ARHGEF3: variants seen among roughly 807,000 people sequenced by gnomAD.
ARHGEF3 encodes 59.8 kDA protein.
A neutral mutation model predicts 63.2 loss-of-function variants in ARHGEF3; 28 were observed. The observed-to-expected ratio is 0.44, with a 90% CI of 0.33 to 0.61. The LOEUF is 0.61. Ranked by LOEUF, ARHGEF3 falls within the 20% of genes least tolerant of loss-of-function variation. The pLI is 0.03. For missense variants in ARHGEF3, 533 were observed against 659.3 expected (o/e 0.81, Z 2.10); for synonymous variants, 266 against 254.2 (o/e 1.05, Z -0.44).
intron 4 of ARHGEF3, among the ~76,000 whole-genome samples, chr3:56,836,973 A>G (rs1208501466): frequency 6.6e-6 from 1 of 152,184 alleles, no homozygotes; most frequent in African/African-American, 2.4e-5. Context: ...ATGATGTGAA[A>G]GAATCAGTCT....
intron 2 of ARHGEF3, among the ~76,000 whole-genome samples, chr3:56,965,023 A>G (rs996209207): frequency 6.6e-6 from 1 of 152,180 alleles, no homozygotes; most frequent in Admixed American, 6.5e-5. Flanking sequence ...GTGGCCAAGG[A>G]AGGAGGATCG....
chr3:56,779,491 T>G (rs1042216788), intron 1 of ARHGEF3, among the ~76,000 whole-genome samples: 10 of 151,906 alleles, frequency 6.6e-5, no homozygotes, highest in African/African-American at 2.2e-4. Flanking sequence ...TTTTTATTTT[T>G]TTTTTTTGTT....
At chr3:56,757,156 T>G (rs989708416) in intron 2 of ARHGEF3, among the ~76,000 whole-genome samples, 1 of 152,190 alleles carries the variant, frequency 6.6e-6, no homozygotes, top group Non-Finnish European at 1.5e-5. Flanking sequence ...AAAGGAACTA[T>G]TCAACATAAG....
chr3:56,977,330 T>C (rs1370029539), intron 2 of ARHGEF3: 2 of 456,608 alleles, frequency 4.4e-6, no homozygotes, highest in Middle Eastern at 3.3e-4. Context: ...GCAAGCCCCA[T>C]TCTCTTGGGC....
intron 1 of ARHGEF3, among the ~76,000 whole-genome samples, chr3:56,777,986 C>G (rs779466239): frequency 2.6e-5 from 4 of 152,162 alleles, no homozygotes; most frequent in African/African-American, 4.8e-5. Flanking sequence ...CCAGGAAAGC[C>G]TTTTCAGGGT....
chr3:56,967,083 G>C (rs188750357), intron 2 of ARHGEF3, among the ~76,000 whole-genome samples: 1 of 147,804 alleles, frequency 6.8e-6, no homozygotes, highest in Admixed American at 6.8e-5. Context: ...GGTTGGTCTC[G>C]AACTCCCGAC....
chr3:56,963,155 G>A (rs367898646), intron 2 of ARHGEF3, among the ~76,000 whole-genome samples: 22 of 152,102 alleles, frequency 1.4e-4, no homozygotes, highest in African/African-American at 5.1e-4. Flanking sequence ...TTTCTCATCT[G>A]TAAAGTGGGG....
chr3:57,038,848 G>A (rs1033344929), intron 1 of ARHGEF3, among the ~76,000 whole-genome samples: 2 of 152,156 alleles, frequency 1.3e-5, no homozygotes, highest in African/African-American at 4.8e-5. Flanking sequence ...CATCTGCCAG[G>A]GCCCTGCAGA....
At chr3:56,795,601 C>A (rs1395179491) in intron 1 of ARHGEF3, among the ~76,000 whole-genome samples, 2 of 150,824 alleles carry the variant, frequency 1.3e-5, no homozygotes, top group African/African-American at 2.4e-5. Context: ...CCTTTCCCAG[C>A]CAGTAGAAGG....
At chr3:56,801,382 A>C (rs2037640331) in intron 1 of ARHGEF3, among the ~76,000 whole-genome samples, 1 of 152,252 alleles carries the variant, frequency 6.6e-6, no homozygotes, top group South Asian at 2.1e-4. Flanking sequence ...GAGTCCAGAC[A>C]GAAGATGGAC....
At chr3:56,957,805 G>A (rs947414723) in intron 3 of ARHGEF3, among the ~76,000 whole-genome samples, 7 of 152,284 alleles carry the variant, frequency 4.6e-5, no homozygotes, top group African/African-American at 1.7e-4. Context: ...AGGAACATGT[G>A]CAAAGGCCTG....
intron 2 of ARHGEF3, among the ~76,000 whole-genome samples, chr3:57,008,444 C>T (rs1278357266): frequency 1.3e-5 from 2 of 151,758 alleles, no homozygotes. Context: ...AATAGATCTG[C>T]AGTGGGAGCT....
chr3:56,798,532 A>G (rs925737256), intron 1 of ARHGEF3, among the ~76,000 whole-genome samples: 37 of 86,688 alleles, frequency 4.3e-4, no homozygotes, highest in African/African-American at 1.3e-3. Flanking sequence ...CCTTTTCTTT[A>G]CTTCGTTTTT....
chr3:57,002,651 G>C (rs1404013581), intron 2 of ARHGEF3, among the ~76,000 whole-genome samples: 1 of 148,354 alleles, frequency 6.7e-6, no homozygotes, highest in Non-Finnish European at 1.5e-5. Context: ...AGGTAAACGT[G>C]TGTGTCATGG....
At chr3:56,911,825 C>T (rs2108338936) in intron 3 of ARHGEF3, among the ~76,000 whole-genome samples, 1 of 152,006 alleles carries the variant, frequency 6.6e-6, no homozygotes, top group East Asian at 1.9e-4. Context: ...CTGAGCTACT[C>T]CAGAGGCCGA....
In ARHGEF3 at chr3:56,917,984, G is replaced by A. The variant is rs180878558; in HGVS notation, c.130-35630C>T. 3.3e-5 allele frequency among the ~76,000 whole-genome samples: 5 copies of A among 152,298 alleles called. No individual in the cohort carries two copies. The East Asian group carries it at 7.7e-4, about 23-fold the overall frequency. The stretch of plus-strand genomic sequence containing the variant: ...CAAATGACAGTGTCCACTGAGAGGT[G>A]GGTTTCAGATTGTCCTTGGGATTCC... On this transcript the variant is annotated intron_variant, in intron 3 of 12. Transcript: ENST00000338458.
intron 1 of ARHGEF3, among the ~76,000 whole-genome samples, chr3:57,055,363 T>C (rs1039943040): frequency 6.6e-6 from 1 of 152,064 alleles, no homozygotes; most frequent in Non-Finnish European, 1.5e-5. Context: ...GGTTCCACTA[T>C]GTTGACCAGG....
intron 2 of ARHGEF3, among the ~76,000 whole-genome samples, chr3:56,960,314 A>G (rs566258498): frequency 1.3e-5 from 2 of 152,316 alleles, no homozygotes; most frequent in East Asian, 3.9e-4. Flanking sequence ...AGGGATATTA[A>G]GTGCTTTGAT....
At chr3:56,934,657 C>A (rs574673117) in intron 3 of ARHGEF3, among the ~76,000 whole-genome samples, 1 of 152,350 alleles carries the variant, frequency 6.6e-6, no homozygotes, top group South Asian at 2.1e-4. Context: ...TGCCAGCCCA[C>A]CAGCGCTGCG....
Sources: allele counts gnomAD v4.1 joint callset (sites outside exome capture counted in the v4.1 genomes callset), GRCh38; gene constraint gnomAD v4.1.1; transcripts MANE v1.5; gene names NCBI Gene and HGNC (gene_info 2026-07-23, HGNC 2026-07-21).